PIGN: variants seen among roughly 807,000 people sequenced by gnomAD.
PIGN encodes the protein GPI ethanolamine phosphate transferase 1.
Under a neutral mutation model 125.4 loss-of-function variants are expected in PIGN, and 117 were observed. That is an observed-to-expected ratio of 0.93 (90% CI 0.80 to 1.09). The LOEUF (loss-of-function observed/expected upper bound fraction) is 1.09. PIGN is among the 50% of genes least tolerant of loss of function. The pLI is 0.00. For synonymous variants in PIGN, 392 were observed against 377.8 expected (o/e 1.04, Z -0.44); for missense variants, 1,075 against 1,094.9 (o/e 0.98, Z 0.26).
chr18:62,104,662 T>G (rs747377691), intron 20 of PIGN, among the ~76,000 whole-genome samples: 1 of 152,174 alleles, frequency 6.6e-6, no homozygotes, highest in African/African-American at 2.4e-5. Context: ...AGAAAATGTA[T>G]AGAATCTCAT....
intron 23 of PIGN, among the ~76,000 whole-genome samples, chr18:62,024,613 G>C (rs2030093902): frequency 6.6e-6 from 1 of 151,844 alleles, no homozygotes; most frequent in Non-Finnish European, 1.5e-5. Context: ...TACTTGTCAG[G>C]GCCCCCCTTG....
At chr18:62,027,225 G>A (rs2030134388) in intron 23 of PIGN, among the ~76,000 whole-genome samples, 1 of 152,038 alleles carries the variant, frequency 6.6e-6, no homozygotes, top group African/African-American at 2.4e-5. Context: ...AATAAAGGAG[G>A]CCGAGAGGAG....
intron 16 of PIGN, among the ~76,000 whole-genome samples, chr18:62,111,060 T>C (rs2034859784): frequency 6.6e-6 from 1 of 151,868 alleles, no homozygotes; most frequent in Admixed American, 6.6e-5. Flanking sequence ...CCACATTCTA[T>C]ACAAAGTGAA....
chr18:62,125,635 C>G (rs2035506771), intron 14 of PIGN, among the ~76,000 whole-genome samples: 1 of 151,986 alleles, frequency 6.6e-6, no homozygotes, highest in Non-Finnish European at 1.5e-5. Context: ...TACGTGTATA[C>G]TACAACAGCA....
chr18:62,057,333 A>G (rs1365167261), intron 30 of PIGN, among the ~76,000 whole-genome samples: 5 of 152,172 alleles, frequency 3.3e-5, no homozygotes, highest in African/African-American at 9.7e-5. Context: ...GATTTCTGCA[A>G]TGGCTTTCCT....
At chr18:62,033,215 C>A (rs965450054) in intron 23 of PIGN, among the ~76,000 whole-genome samples, 3 of 152,286 alleles carry the variant, frequency 2.0e-5, no homozygotes, top group African/African-American at 7.2e-5. Flanking sequence ...CCCCAAGACC[C>A]CTTTAATAGA....
intron 20 of PIGN, among the ~76,000 whole-genome samples, chr18:62,104,683 A>AT (rs2034571598): frequency 1.3e-5 from 2 of 152,184 alleles, no homozygotes. Context: ...AAATCAGCAC[A>AT]TATTTTTACA....
At chr18:62,164,801 T>C (rs180677773) in intron 1 of PIGN, among the ~76,000 whole-genome samples, 3 of 152,196 alleles carry the variant, frequency 2.0e-5, no homozygotes, top group Admixed American at 6.5e-5. Flanking sequence ...CAGATTGTAG[T>C]GGGTAAAGAA....
intron 24 of PIGN, among the ~76,000 whole-genome samples, chr18:62,089,185 A>G (rs990048462): frequency 2.6e-5 from 4 of 152,150 alleles, no homozygotes; most frequent in African/African-American, 9.6e-5. Flanking sequence ...AATTTCTCAG[A>G]GTGTCCTGAT....
chr18:62,139,163 A>G (rs1355786403), intron 12 of PIGN, 88 bp from the exon 13 acceptor site: 1 of 685,010 alleles, frequency 1.5e-6, no homozygotes, highest in Non-Finnish European at 2.6e-6. Context: ...AGCAATAAAG[A>G]TAAGGCATAT....
rs4940545 is a variant in PIGN at position 62,147,433 on chromosome 18, C to A, written c.675-332G>T. ...TAAACTAAACTGTTTGGCCACATTA[C>A]AAGTATCATTTCAAGTATAGAATAT... On this transcript the variant is annotated intron_variant, in intron 8 of 30. Transcript: ENST00000640252. Among the ~76,000 whole-genome samples, 88,884 of 152,040 alleles carry A rather than the reference C, an allele frequency of 0.58. 26,772 individuals carry two copies. The highest frequency in any genetic ancestry group is 0.78 in the East Asian group (4,043 of 5,166).
At chr18:62,175,044 A>AAT (rs1017467934) in intron 1 of PIGN, among the ~76,000 whole-genome samples, 3 of 142,732 alleles carry the variant, frequency 2.1e-5, no homozygotes, top group Non-Finnish European at 3.0e-5. Flanking sequence ...ATATATTATA[A>AAT]ATATATATTT....
intron 23 of PIGN, among the ~76,000 whole-genome samples, chr18:62,020,917 C>T (rs927073001): frequency 5.4e-5 from 8 of 149,122 alleles, no homozygotes; most frequent in Admixed American, 1.3e-4. Context: ...GCCGAGATCG[C>T]GCCATTGCAC....
In PIGN at chr18:62,113,160, T is replaced by C. The variant is rs3862712; in HGVS notation, c.1408A>G (p.Ile470Val). 1.1e-5 allele frequency: 18 copies of C among 1,610,304 alleles called. 1 individual carries two copies. Among genetic ancestry groups the C allele is most frequent in the Non-Finnish European group, 1.5e-5 (18 of 1,177,972 alleles). Residue 470 changes from isoleucine (I) to valine (V), a missense_variant, in exon 16 of 31, where the codon ATA becomes GTA. By Grantham distance (29) the Ile-to-Val change is conservative. Around this residue, in one of 3 missense-constraint regions of PIGN, gnomAD observed 915 missense variants for 908.7 expected, o/e 1.01. Coordinates refer to ENST00000640252, the MANE Select transcript of PIGN (RefSeq NM_176787.5). The stretch of plus-strand genomic sequence containing the variant: ...TTCACTTCTTTACTAACACCTTTTA[T>C]AAGGTTGGAATGAGACTTGATGATC... The part of the protein sequence containing the change: ...LLIIKSHSNL[I>V]KGVSKEVKKP...
intron 14 of PIGN, among the ~76,000 whole-genome samples, chr18:62,132,487 A>G (rs1269621248): frequency 1.3e-5 from 2 of 152,188 alleles, no homozygotes; most frequent in Non-Finnish European, 2.9e-5. Flanking sequence ...ATAATTTTCA[A>G]TTTAGTATTC....
chr18:62,154,531 T>G lies in PIGN; in HGVS notation c.549+14A>C, dbSNP rs767293877. The G allele has an allele frequency of 8.3e-7, 1 of 1,211,652 alleles. No individual in the cohort carries two copies. Among genetic ancestry groups the G allele is most frequent in the Non-Finnish European group, 1.2e-6 (1 of 818,346 alleles). 75.1% of individuals were successfully genotyped at this position (1,211,652 alleles called of 1,614,324 possible). On this transcript the variant is annotated intron_variant, in intron 7 of 30. Transcript: ENST00000640252. ...AATATGCTTTTTGTATATTAACCAC[T>G]CAATAGCACAAACCTTAACATTATC... is the stretch of plus-strand genomic sequence containing the variant.
chr18:62,062,882 CTTTTTTTTTTTTTTTTT>C (rs71160811), intron 30 of PIGN, among the ~76,000 whole-genome samples: 1,129 of 21,110 alleles, frequency 0.053, 56 homozygotes, highest in Middle Eastern at 0.34. Context: ...TTGTATTCTG[CTTTTTTTTTTTTTTTTT>C]TTTTTTTTTT....
chr18:62,182,648 T>C (rs1415511875), intron 1 of PIGN, among the ~76,000 whole-genome samples: 1 of 152,206 alleles, frequency 6.6e-6, no homozygotes, highest in East Asian at 1.9e-4. Flanking sequence ...CCTTCTCTGA[T>C]CCATTTCTTG....
At chr18:62,038,079 A>G (rs2030283315), downstream of PIGN, among the ~76,000 whole-genome samples, 1 of 152,206 alleles carries the variant, frequency 6.6e-6, no homozygotes. Flanking sequence ...TTTACTACAT[A>G]ATACCAAAAC....
Sources: allele counts gnomAD v4.1 joint callset (sites outside exome capture counted in the v4.1 genomes callset), GRCh38; gene constraint gnomAD v4.1.1; regional missense constraint gnomAD v4.1.1; transcripts MANE v1.5; gene names NCBI Gene and HGNC (gene_info 2026-07-23, HGNC 2026-07-21).